RASAL2: variants seen among roughly 807,000 people sequenced by gnomAD.
RASAL2 encodes RAS protein activator like 2.
Under a neutral mutation model 128.9 loss-of-function variants are expected in RASAL2, and 58 were observed. The observed-to-expected ratio is 0.45, with a 90% CI of 0.36 to 0.56. The LOEUF is 0.56. RASAL2 is among the 20% of genes least tolerant of loss of function. RASAL2 has a pLI of 0.00. For synonymous variants in RASAL2, 561 were observed against 580.8 expected (o/e 0.97, Z 0.49); for missense variants, 1,360 against 1,601.6 (o/e 0.85, Z 2.57).
chr1:178,328,966 A>G (rs1669166155), intron 3 of RASAL2, among the ~76,000 whole-genome samples: 1 of 152,182 alleles, frequency 6.6e-6, no homozygotes, highest in African/African-American at 2.4e-5. Flanking sequence ...CCGCAGAGTG[A>G]TTGACTTAGC....
intron 1 of RASAL2, among the ~76,000 whole-genome samples, chr1:178,153,507 TTC>T (rs1660980599): frequency 6.6e-6 from 1 of 152,184 alleles, no homozygotes; most frequent in Admixed American, 6.5e-5. Flanking sequence ...ACTAATCTAC[TTC>T]TGTCTTTATA....
At position 178,334,961 on chromosome 1, in the gene RASAL2, T is replaced by TA. The variant is rs910462294; in HGVS notation, c.457+34853dup. 1.2e-3 allele frequency among the ~76,000 whole-genome samples: 185 copies of TA among 149,112 alleles called. 2 individuals carry two copies. The Middle Eastern group carries it at 0.017, about 14-fold the overall frequency. On this transcript the variant is annotated intron_variant, in intron 3 of 17. Coordinates refer to ENST00000367649, the MANE Select transcript of RASAL2 (RefSeq NM_170692.4). ...ACAGAGTGAGACTCTGTCTAAAATTTAAAAAAAAAATGTATTTTAAAATAT... is the reference window on the plus strand; with the variant it reads ...ACAGAGTGAGACTCTGTCTAAAATTTAAAAAAAAAAATGTATTTTAAAATAT...
At chr1:178,467,259 T>C in intron 16 of RASAL2, 75 bp from the exon 17 acceptor site, 2 of 1,176,428 alleles carry the variant, frequency 1.7e-6, no homozygotes, top group Non-Finnish European at 2.5e-6. Context: ...GCAGAGGATA[T>C]TGAGTTTTCC....
chr1:178,273,901 C>G (rs1571755589), intron 1 of RASAL2, among the ~76,000 whole-genome samples: 2 of 152,110 alleles, frequency 1.3e-5, no homozygotes, highest in East Asian at 3.9e-4. Context: ...TGATATGAGT[C>G]AGCTAAGTTG....
intron 1 of RASAL2, among the ~76,000 whole-genome samples, chr1:178,121,800 A>T (rs778162132): frequency 1.8e-4 from 27 of 150,358 alleles, no homozygotes; most frequent in Non-Finnish European, 3.5e-4. Context: ...TGTTGTTGTT[A>T]TACTCTTTTC....
chr1:178,162,176 A>G (rs1013581809), intron 1 of RASAL2, among the ~76,000 whole-genome samples: 1 of 148,092 alleles, frequency 6.8e-6, no homozygotes, highest in African/African-American at 2.5e-5. Flanking sequence ...CGTGTTAGCC[A>G]GGATGGTCTT....
chr1:178,353,630 A>G (rs560202004), intron 3 of RASAL2, among the ~76,000 whole-genome samples: 4 of 152,304 alleles, frequency 2.6e-5, no homozygotes, highest in African/African-American at 9.6e-5. Flanking sequence ...AGCTTCTTAC[A>G]TATTTTAAGG....
intron 3 of RASAL2, among the ~76,000 whole-genome samples, chr1:178,363,100 C>T (rs371019838): frequency 1.3e-4 from 20 of 152,118 alleles, no homozygotes; most frequent in African/African-American, 3.4e-4. Context: ...GTTTTCCACA[C>T]GGGCTGCACA....
intron 1 of RASAL2, among the ~76,000 whole-genome samples, chr1:178,230,168 T>C (rs1663943727): frequency 6.6e-6 from 1 of 152,188 alleles, no homozygotes; most frequent in African/African-American, 2.4e-5. Context: ...AGTATTCCAT[T>C]GTATGAAAAC....
intron 1 of RASAL2, among the ~76,000 whole-genome samples, chr1:178,190,830 T>C (rs1483185251): frequency 6.6e-6 from 1 of 152,184 alleles, no homozygotes; most frequent in East Asian, 1.9e-4. Context: ...TGAAGACCTG[T>C]CCTTAGTTGA....
chr1:178,116,601 GTTATT>G (rs146900866), intron 1 of RASAL2, among the ~76,000 whole-genome samples: 2 of 151,668 alleles, frequency 1.3e-5, no homozygotes, highest in African/African-American at 4.8e-5. Flanking sequence ...TTAATAGATT[GTTATT>G]TTATTTTATT....
At chr1:178,407,819 A>G (rs1674088774) in intron 4 of RASAL2, among the ~76,000 whole-genome samples, 2 of 152,176 alleles carry the variant, frequency 1.3e-5, no homozygotes, top group African/African-American at 4.8e-5. Context: ...GATGCTGGCA[A>G]GGCATTGTCC....
At chr1:178,393,838 T>G (rs1486031227) in intron 4 of RASAL2, among the ~76,000 whole-genome samples, 2 of 152,168 alleles carry the variant, frequency 1.3e-5, no homozygotes, top group Admixed American at 6.5e-5. Flanking sequence ...GTTGAATAGA[T>G]AAAATATGCA....
intron 1 of RASAL2, among the ~76,000 whole-genome samples, chr1:178,272,850 C>G (rs1230383470): frequency 6.6e-6 from 1 of 152,016 alleles, no homozygotes; most frequent in Non-Finnish European, 1.5e-5. Context: ...ATCACTTGAA[C>G]CCAGGAGGCA....
At chr1:178,198,925 TG>T (rs1662768339) in intron 1 of RASAL2, among the ~76,000 whole-genome samples, 2 of 152,248 alleles carry the variant, frequency 1.3e-5, no homozygotes, top group African/African-American at 2.4e-5. Context: ...CCCCCAGAGG[TG>T]GAGTCTACAG....
At chr1:178,260,422 A>C in intron 1 of RASAL2, among the ~76,000 whole-genome samples, 1 of 114,260 alleles carries the variant, frequency 8.8e-6, no homozygotes, top group Non-Finnish European at 1.8e-5. Context: ...ATATGATAAT[A>C]ATTTTAGCAA....
chr1:178,396,863 A>G (rs909051812), intron 4 of RASAL2, among the ~76,000 whole-genome samples: 8 of 151,718 alleles, frequency 5.3e-5, no homozygotes, highest in African/African-American at 1.7e-4. Flanking sequence ...ATTTGAATAG[A>G]TGTTTCTCCA....
intron 1 of RASAL2, among the ~76,000 whole-genome samples, chr1:178,266,710 A>G (rs1438910009): frequency 2.0e-5 from 3 of 152,232 alleles, no homozygotes; most frequent in African/African-American, 7.2e-5. Flanking sequence ...AGCCAGGTAT[A>G]TGAAGAGGCT....
At chr1:178,126,781 T>C (rs1269700415) in intron 1 of RASAL2, among the ~76,000 whole-genome samples, 1 of 152,188 alleles carries the variant, frequency 6.6e-6, no homozygotes, top group Admixed American at 6.5e-5. Flanking sequence ...ATTCATTCAA[T>C]TCCTGTAAAT....
Sources: gnomAD v4.1 joint callset for allele counts (sites outside exome capture counted in the v4.1 genomes callset) on GRCh38, gnomAD v4.1.1 for gene constraint, MANE v1.5 for transcripts, NCBI Gene and HGNC (gene_info 2026-07-23, HGNC 2026-07-21) for gene names.